Variants in BTNL9 observed in about 807,000 individuals in gnomAD.
The protein encoded by BTNL9 is butyrophilin-like protein 9.
Under a neutral mutation model 45.8 loss-of-function variants are expected in BTNL9, and 45 were observed. That is an observed-to-expected ratio of 0.98 (90% CI 0.77 to 1.26). The LOEUF is 1.26. BTNL9 is among the 50% of genes most tolerant of loss of function. The probability of loss-of-function intolerance (pLI) is 0.00; values close to 1 mark genes in which losing one functional copy is unlikely to be tolerated. For synonymous variants in BTNL9, 346 were observed against 330.8 expected (o/e 1.05, Z -0.50); for missense variants, 784 against 729.7 (o/e 1.07, Z -0.86).
chr5:181,045,076 A>G (rs1449357993), intron 1 of BTNL9, among the ~76,000 whole-genome samples: 1 of 152,206 alleles, frequency 6.6e-6, no homozygotes, highest in African/African-American at 2.4e-5. Context: ...ATGAAAATGC[A>G]TCTGAGATCT....
intron 1 of BTNL9, among the ~76,000 whole-genome samples, chr5:181,044,847 G>C (rs1353588250): frequency 1.3e-5 from 2 of 152,192 alleles, no homozygotes. Flanking sequence ...TATCGACACA[G>C]AGACAGTTAC....
chr5:181,059,631 G>T lies in BTNL9; in HGVS notation c.1377G>T (p.Glu459Asp). The change falls in exon 11 of 11, where the codon GAG becomes GAT. Residue 459 changes from glutamate (E) to aspartate (D), a missense_variant. Glu to Asp is a conservative substitution (Grantham distance 45). Transcript: ENST00000327705. ...TCTTCCTGGACTACGAGGCCGGAGA[G>T]CTGTCCTTCTTCAACGTGTCCGACG... ...LGVFLDYEAG[E>D]LSFFNVSDGS... 1 of 1,613,640 alleles carries T rather than the reference G, an allele frequency of 6.2e-7. No homozygotes were observed. Among genetic ancestry groups the T allele is most frequent in the Middle Eastern group, 1.6e-4 (1 of 6,062 alleles).
chr5:181,041,570 G>A (rs1003992848), intron 1 of BTNL9, among the ~76,000 whole-genome samples: 1 of 152,210 alleles, frequency 6.6e-6, no homozygotes, highest in African/African-American at 2.4e-5. Context: ...TGGCTCAGAG[G>A]ACACCAATCC....
Position 181,055,288 on chromosome 5 carries a change from G to A in BTNL9, c.908-145G>A. 4 of 1,539,330 alleles carry A rather than the reference G, an allele frequency of 2.6e-6. No homozygotes were observed. The highest frequency in any genetic ancestry group is 3.5e-6 in the Non-Finnish European group (4 of 1,148,170). ...GCCTCTTTTTGAGGGCAATGAAGGG[G>A]CAAAGAGGAAGCTGTAAAAAAAAAA... On this transcript the variant is annotated intron_variant, in intron 7 of 10. Transcript: ENST00000327705. This position sits in a 1 kb window ranked among gnomAD's most constrained non-coding sequence, Gnocchi z 4.4.
In BTNL9 at chr5:181,055,216, C is replaced by T. The variant is rs1761815004; in HGVS notation, c.908-217C>T. ...TCCCTTCTAGGCTGTGTGCAGATTT[C>T]CACCTTTGAGCTAAGATAGGATGAG... On this transcript the variant is annotated intron_variant, in intron 7 of 10. Coordinates refer to ENST00000327705, the MANE Select transcript of BTNL9 (RefSeq NM_152547.5). This position sits in a 1 kb window ranked among gnomAD's most constrained non-coding sequence, Gnocchi z 4.4. 5.6e-6 allele frequency: 8 copies of T among 1,424,240 alleles called. No homozygotes were observed. In the South Asian group the frequency reaches 1.2e-4, roughly 22 times the overall value. The allele number at this position is 1,424,240 out of a possible 1,614,324, so 88.2% of individuals were successfully genotyped here.
Position 181,048,110 on chromosome 5 carries a change from C to T in BTNL9, c.293C>T (p.Pro98Leu), listed in dbSNP as rs150556835. The change falls in exon 3 of 11, where the codon CCG (proline) becomes CTG (leucine). Residue 98 changes from proline to leucine, a missense_variant. Physicochemically the swap from Pro to Leu is moderately conservative, Grantham distance 98 (BLOSUM62 -3). Coordinates refer to ENST00000327705, the MANE Select transcript of BTNL9 (RefSeq NM_152547.5). ...EQQELPGRQM[P>L]AFRNRTKLVK... is the part of the protein sequence containing the mutation. ...CAGGAGCTCCCTGGCAGGCAGATGC[C>T]GGCGTTCCGGAACAGGACCAAGTTG... 5.4e-5 allele frequency: 87 copies of T among 1,613,432 alleles called. No homozygotes were observed. Among genetic ancestry groups the T allele is most frequent in the African/African-American group, 9.3e-5 (7 of 74,900 alleles).
Position 181,059,372 on chromosome 5 carries a change from C to T in BTNL9, c.1118C>T (p.Ala373Val), listed in dbSNP as rs927944317. 32 of 1,537,374 alleles carry T rather than the reference C, an allele frequency of 2.1e-5. No individual in the cohort carries two copies. Among genetic ancestry groups the T allele is most frequent in the Non-Finnish European group, 2.6e-5 (30 of 1,144,254 alleles). ...CAGCGGTTCTCGGAGCAGACGTGCG[C>T]GCTGAGCCTGGAGCGGTTCTCCGCC... ...HPQRFSEQTC[A>V]LSLERFSAGR... Residue 373 changes from alanine (A) to valine (V), a missense_variant, in exon 11 of 11, where the codon GCG becomes GTG. Coordinates refer to ENST00000327705, the MANE Select transcript of BTNL9 (RefSeq NM_152547.5).
chr5:181,057,805 A>G (rs749379060), intron 9 of BTNL9, among the ~76,000 whole-genome samples: 20 of 152,220 alleles, frequency 1.3e-4, no homozygotes, highest in Non-Finnish European at 2.8e-4. Flanking sequence ...GCCTTGCTGT[A>G]AATATCTGGA....
chr5:181,055,463 C>A lies in BTNL9; in HGVS notation c.928+10C>A, dbSNP rs748471488. The A allele has an allele frequency of 2.5e-6, 4 of 1,614,008 alleles. No individual in the cohort carries two copies. In the South Asian group the frequency reaches 4.4e-5, roughly 18 times the overall value. ...CTTCAGACAGAGCTTGGTAAGTGAC[C>A]CCTCTTAGAACTATTTCTCCTCAGG... On this transcript the variant is annotated intron_variant, in intron 8 of 10. Transcript: ENST00000327705. The surrounding 1 kb of genome is among the most constrained non-coding windows in gnomAD (Gnocchi z 4.4).
Position 181,042,077 on chromosome 5 carries a change from G to A in BTNL9, c.-24+1645G>A, listed in dbSNP as rs1760800728. Among the ~76,000 whole-genome samples, 1 of 152,214 alleles carries A rather than the reference G, an allele frequency of 6.6e-6. No individual in the cohort carries two copies. The highest frequency in any genetic ancestry group is 1.5e-5 in the Non-Finnish European group (1 of 68,036). On this transcript the variant is annotated intron_variant, in intron 1 of 10. Coordinates refer to ENST00000327705, the MANE Select transcript of BTNL9 (RefSeq NM_152547.5). The surrounding 1 kb of genome is among the most constrained non-coding windows in gnomAD (Gnocchi z 4.5). ...AGGTGCAGGAGGAGAGAACAGGAGTGGGGCGGGCTGGGGGCAATGAGAGAG... is the reference window on the plus strand; with the variant it reads ...AGGTGCAGGAGGAGAGAACAGGAGTAGGGCGGGCTGGGGGCAATGAGAGAG...
Position 181,050,091 on chromosome 5 carries a change from T to C in BTNL9, c.458T>C (p.Leu153Pro). 6.2e-7 allele frequency: 1 copy of C among 1,612,846 alleles called. No homozygotes were observed. Among genetic ancestry groups the C allele is most frequent in the Non-Finnish European group, 8.5e-7 (1 of 1,179,312 alleles). ...EALWELEVAG[L>P]GSDPHLSLEG... ...CCACTCCTCCTGCCTCCACCAGGGC[T>C]GGGCTCAGACCCTCACCTCTCCCTT... Residue 153 changes from leucine to proline, a missense_variant, in exon 4 of 11, where the codon CTG becomes CCG. By Grantham distance (98) the Leu-to-Pro change is moderately conservative. Transcript: ENST00000327705. The surrounding 1 kb of genome is among the most constrained non-coding windows in gnomAD (Gnocchi z 4.9).
chr5:181,051,420 G>A (rs1244967455), intron 4 of BTNL9, among the ~76,000 whole-genome samples: 2 of 152,156 alleles, frequency 1.3e-5, no homozygotes, highest in Non-Finnish European at 2.9e-5. Context: ...ATGCACACAT[G>A]TTCTCAAGAT....
At chr5:181,048,782 T>C (rs1195350700) in intron 3 of BTNL9, among the ~76,000 whole-genome samples, 2 of 110,922 alleles carry the variant, frequency 1.8e-5, no homozygotes, top group Admixed American at 9.7e-5. Context: ...ATGCTATATA[T>C]TAATTATATA....
chr5:181,059,082 C>G, intron 10 of BTNL9, 155 bp from the exon 11 acceptor site: 2 of 879,636 alleles, frequency 2.3e-6, no homozygotes, highest in Non-Finnish European at 2.7e-6. Flanking sequence ...CCACTTCAGT[C>G]CTGGGGAGGG....
At chr5:181,043,025 G>T (rs1476868353) in intron 1 of BTNL9, among the ~76,000 whole-genome samples, 5 of 152,136 alleles carry the variant, frequency 3.3e-5, no homozygotes, top group Non-Finnish European at 5.9e-5. Flanking sequence ...CACCCACTGT[G>T]TGCAGGAGCA....
In BTNL9 at chr5:181,045,149, C is replaced by G. The variant is rs150857333; in HGVS notation, c.-23-318C>G. ...CCAGAAAAGGGGGGGCGCTGAGCCC[C>G]CACACATTGTGTGGCTCTATTCCTG... On this transcript the variant is annotated intron_variant, in intron 1 of 10. Coordinates refer to ENST00000327705, the MANE Select transcript of BTNL9 (RefSeq NM_152547.5). Among the ~76,000 whole-genome samples, 856 of 152,312 alleles carry G rather than the reference C, an allele frequency of 5.6e-3. 2 individuals are homozygous for G. The highest frequency in any genetic ancestry group is 8.3e-3 in the Non-Finnish European group (563 of 68,020).
At chr5:181,059,216 T>C (rs1176371093) in intron 10 of BTNL9, 21 bp from the exon 11 acceptor site, 3 of 1,504,954 alleles carry the variant, frequency 2.0e-6, no homozygotes, top group African/African-American at 2.8e-5. Context: ...GGGCGGGCAC[T>C]AACGCTGTGG....
intron 4 of BTNL9, among the ~76,000 whole-genome samples, chr5:181,051,612 A>G (rs999451369): frequency 1.5e-4 from 23 of 152,288 alleles, no homozygotes; most frequent in Admixed American, 9.2e-4. Flanking sequence ...CTAAACTCCC[A>G]TGAGACAGGG....
intron 7 of BTNL9, chr5:181,054,604 C>T (rs1372175393): frequency 1.0e-6 from 1 of 985,282 alleles, no homozygotes; most frequent in Non-Finnish European, 1.2e-6. Context: ...TTAATTTGCA[C>T]CAAAATGGAA....
Sources: allele counts gnomAD v4.1 joint callset (sites outside exome capture counted in the v4.1 genomes callset), GRCh38; gene constraint gnomAD v4.1.1; non-coding constraint Gnocchi (gnomAD v3.1); transcripts MANE v1.5; gene names NCBI Gene and HGNC (gene_info 2026-07-23, HGNC 2026-07-21).